The following CDC42SE2 variants were observed in gnomAD, a reference collection of about 807,000 sequenced individuals.
CDC42SE2 encodes CDC42 small effector protein 2.
A neutral mutation model predicts 11.5 loss-of-function variants in CDC42SE2; 3 were observed. The ratio of observed to expected loss-of-function variants is 0.26; its 90% CI spans 0.12 to 0.67. The LOEUF (loss-of-function observed/expected upper bound fraction) is 0.67, where lower values mean the gene tolerates loss of function less well. Ranked by LOEUF, CDC42SE2 falls within the 30% of genes least tolerant of loss-of-function variation. CDC42SE2 has a pLI of 0.80. For missense variants in CDC42SE2, 82 were observed against 106.8 expected (o/e 0.77, Z 1.02); for synonymous variants, 33 against 34.8 (o/e 0.95, Z 0.18).
chr5:131,336,934 A>C lies in CDC42SE2; in HGVS notation c.-286+20790A>C, dbSNP rs1308742403. 1.3e-5 allele frequency among the ~76,000 whole-genome samples: 2 copies of C among 151,566 alleles called. 1 individual carries two copies. Among genetic ancestry groups the C allele is most frequent in the South Asian group, 4.2e-4 (2 of 4,818 alleles). On this transcript the variant is annotated intron_variant, in intron 2 of 4. Transcript: ENST00000505065. ...GTTCGAACTTCCTCCGTTAGCACAGAGTAGTTTGATCTTCTGAAGCCTTCC... is the reference window on the plus strand; with the variant it reads ...GTTCGAACTTCCTCCGTTAGCACAGCGTAGTTTGATCTTCTGAAGCCTTCC...
At chr5:131,338,364 G>T (rs1231227529) in intron 2 of CDC42SE2, among the ~76,000 whole-genome samples, 2 of 152,114 alleles carry the variant, frequency 1.3e-5, no homozygotes, top group Admixed American at 1.3e-4. Flanking sequence ...CTCTAGTTTT[G>T]TATTGTTTTG....
chr5:131,247,938 G>A (rs552413922), intron 1 of CDC42SE2, among the ~76,000 whole-genome samples: 194 of 151,966 alleles, frequency 1.3e-3, no homozygotes, highest in Non-Finnish European at 2.1e-3. Flanking sequence ...ACCATGCCCA[G>A]CCATAAAACA....
intron 3 of CDC42SE2, among the ~76,000 whole-genome samples, chr5:131,378,753 CTG>C (rs1027793188): frequency 6.6e-6 from 1 of 152,200 alleles, no homozygotes; most frequent in Non-Finnish European, 1.5e-5. Flanking sequence ...ACTTCTCAAA[CTG>C]TGGAATCAGA....
At position 131,336,872 on chromosome 5, in the gene CDC42SE2, C is replaced by G. The variant is rs1170780505; in HGVS notation, c.-286+20728C>G. 2.6e-5 allele frequency among the ~76,000 whole-genome samples: 4 copies of G among 152,132 alleles called. No homozygotes were observed. The East Asian group carries it at 5.8e-4, about 22-fold the overall frequency. The stretch of plus-strand genomic sequence containing the variant: ...TTGATTATTGTAGTTATCCATTCAT[C>G]TAATTTTTTTCAAAGTTTTTAACTT... On this transcript the variant is annotated intron_variant, in intron 2 of 4. Transcript: ENST00000505065.
At chr5:131,338,125 G>A (rs1251700361) in intron 2 of CDC42SE2, among the ~76,000 whole-genome samples, 1 of 152,188 alleles carries the variant, frequency 6.6e-6, no homozygotes, top group African/African-American at 2.4e-5. Context: ...TTTTTAAAAA[G>A]TTATTATTTA....
chr5:131,339,475 C>G (rs1758656854), intron 2 of CDC42SE2, among the ~76,000 whole-genome samples: 1 of 151,800 alleles, frequency 6.6e-6, no homozygotes. Flanking sequence ...TATAGTAGGT[C>G]AATTTGTAAA....
Position 131,351,403 on chromosome 5 carries a change from T to C in CDC42SE2, c.-285-7806T>C, listed in dbSNP as rs541843516. On this transcript the variant is annotated intron_variant, in intron 2 of 4. Transcript: ENST00000505065. ...TGGAGTAGCTGGGACTACAGGTGCC[T>C]GCCACCACGCCCAGCAAATTTTTTG... Among the ~76,000 whole-genome samples the C allele has an allele frequency of 7.6e-4, 115 of 152,262 alleles. 1 individual carries two copies. Among genetic ancestry groups the C allele is most frequent in the Non-Finnish European group, 1.4e-3 (96 of 68,006 alleles).
At chr5:131,277,019 C>T (rs1013049103) in intron 1 of CDC42SE2, among the ~76,000 whole-genome samples, 1 of 152,148 alleles carries the variant, frequency 6.6e-6, no homozygotes, top group African/African-American at 2.4e-5. Flanking sequence ...GGATTACAGG[C>T]GTGAGCCACC....
In CDC42SE2 at chr5:131,368,283, C is replaced by A. The variant is rs192865288; in HGVS notation, c.54+8736C>A. ...AAAAAAAAAAAAAAAAGAAGTCTTTCCCCTCCCCACTGGTATGCAGTGTAC... is the reference window on the plus strand; with the variant it reads ...AAAAAAAAAAAAAAAAGAAGTCTTTACCCTCCCCACTGGTATGCAGTGTAC... On this transcript the variant is annotated intron_variant, in intron 3 of 4. Transcript: ENST00000505065. Among the ~76,000 whole-genome samples, 4 of 151,002 alleles carry A rather than the reference C, an allele frequency of 2.6e-5. No individual in the cohort carries two copies. In the South Asian group the frequency reaches 8.4e-4, roughly 32 times the overall value.
the CDC42SE2 span, among the ~76,000 whole-genome samples, chr5:131,215,379 T>C: frequency 6.6e-6 from 1 of 152,220 alleles, no homozygotes; most frequent in East Asian, 1.9e-4. Context: ...AATGGAGGAA[T>C]TGGTTTAAAG....
the CDC42SE2 span, among the ~76,000 whole-genome samples, chr5:131,214,310 G>A: frequency 6.6e-6 from 1 of 152,152 alleles, no homozygotes; most frequent in Non-Finnish European, 1.5e-5. Context: ...TCCACAGTGA[G>A]CTGTGATCAC....
intron 1 of CDC42SE2, among the ~76,000 whole-genome samples, chr5:131,279,618 T>C (rs1273827102): frequency 6.6e-6 from 1 of 152,122 alleles, no homozygotes; most frequent in African/African-American, 2.4e-5. Flanking sequence ...AATGGTGTTG[T>C]CTTGTTTTCT....
intron 1 of CDC42SE2, among the ~76,000 whole-genome samples, chr5:131,297,200 A>C (rs1757587805): frequency 6.7e-6 from 1 of 150,088 alleles, no homozygotes; most frequent in Non-Finnish European, 1.5e-5. Context: ...TCGTGCAAAA[A>C]TGGCTTCTTT....
At chr5:131,274,892 C>T (rs1164281977) in intron 1 of CDC42SE2, among the ~76,000 whole-genome samples, 3 of 152,102 alleles carry the variant, frequency 2.0e-5, no homozygotes, top group Non-Finnish European at 4.4e-5. Flanking sequence ...CTCAACATTT[C>T]CTGAATGAAT....
intron 1 of CDC42SE2, among the ~76,000 whole-genome samples, chr5:131,285,380 A>T (rs570672806): frequency 1.3e-5 from 2 of 152,290 alleles, no homozygotes; most frequent in Non-Finnish European, 2.9e-5. Flanking sequence ...CAGGATCATC[A>T]GTGTAAGGAG....
chr5:131,344,261 C>G (rs1392406187), intron 2 of CDC42SE2, among the ~76,000 whole-genome samples: 1 of 152,184 alleles, frequency 6.6e-6, no homozygotes, highest in Non-Finnish European at 1.5e-5. Context: ...CAAAGGGAAG[C>G]CGTGACAGAT....
chr5:131,323,501 A>G (rs868494117), intron 2 of CDC42SE2, among the ~76,000 whole-genome samples: 1 of 142,606 alleles, frequency 7.0e-6, no homozygotes, highest in Non-Finnish European at 1.5e-5. Context: ...CTTGAAGTGC[A>G]TGTTTTATAA....
chr5:131,350,466 T>C (rs183629871), intron 2 of CDC42SE2, among the ~76,000 whole-genome samples: 2 of 152,210 alleles, frequency 1.3e-5, no homozygotes, highest in African/African-American at 2.4e-5. Context: ...GATTGATTCA[T>C]AATCCTGAGA....
intron 2 of CDC42SE2, among the ~76,000 whole-genome samples, chr5:131,347,750 A>G (rs548721474): frequency 1.3e-5 from 2 of 152,250 alleles, no homozygotes; most frequent in Non-Finnish European, 2.9e-5. Context: ...AAAATCCTCA[A>G]TAAAATACTG....
Sources: gnomAD v4.1 joint callset for allele counts (sites outside exome capture counted in the v4.1 genomes callset) on GRCh38, gnomAD v4.1.1 for gene constraint, MANE v1.5 for transcripts, NCBI Gene and HGNC (gene_info 2026-07-23, HGNC 2026-07-21) for gene names.